MALRD1: variants seen among roughly 807,000 people sequenced by gnomAD.
MALRD1 encodes the protein MAM and LDL receptor class A domain containing 1, also known as MAM and LDL-receptor class A domain-containing protein 1.
Under a neutral mutation model 242.1 loss-of-function variants are expected in MALRD1, and 247 were observed. The ratio of observed to expected loss-of-function variants is 1.02; its 90% CI spans 0.92 to 1.13. The LOEUF (loss-of-function observed/expected upper bound fraction) is 1.13. Ranked by LOEUF, MALRD1 falls within the 50% of genes most tolerant of loss-of-function variation. The pLI is 0.00. For synonymous variants in MALRD1, 995 were observed against 866.6 expected (o/e 1.15, Z -2.60); for missense variants, 2,989 against 2,533.1 (o/e 1.18, Z -3.86).
chr10:19,670,680 C>T (rs1349374308), intron 36 of MALRD1, among the ~76,000 whole-genome samples: 1 of 152,184 alleles, frequency 6.6e-6, no homozygotes, highest in Non-Finnish European at 1.5e-5. Context: ...ACCCCTGACT[C>T]CACCAACAAC....
rs1839129763 is a variant in MALRD1 at position 19,615,861 on chromosome 10, T to C, written c.6075T>C (p.Cys2025=). The stretch of plus-strand genomic sequence containing the variant: ...CTTTGTGATGCTTCTTTTTAGAATG[T>C]CCATTAAATTACTGCAGAAATGGTG... ...FQLDESSCSE[C]PLNYCRNGGT... Residue 2025 remains cysteine, a synonymous_variant, in exon 36 of 40, where the codon TGT becomes TGC. Coordinates refer to ENST00000454679, the MANE Select transcript of MALRD1 (RefSeq NM_001142308.3). The C allele has an allele frequency of 1.3e-6, 2 of 1,528,776 alleles. No homozygotes were observed. The highest frequency in any genetic ancestry group is 2.8e-5 in the African/African-American group (2 of 72,716). The allele number at this position is 1,528,776 out of a possible 1,614,324, so 94.7% of individuals were successfully genotyped here.
chr10:19,364,873 A>G (rs1162468325), intron 26 of MALRD1, among the ~76,000 whole-genome samples: 2 of 152,092 alleles, frequency 1.3e-5, no homozygotes, highest in Admixed American at 6.6e-5. Flanking sequence ...CCTTAATTCA[A>G]TTGAGGATTC....
At chr10:19,565,099 A>T (rs1836193431) in intron 32 of MALRD1, among the ~76,000 whole-genome samples, 1 of 152,176 alleles carries the variant, frequency 6.6e-6, no homozygotes. Flanking sequence ...TGAAATAAAT[A>T]GTGAGTTAGT....
At chr10:19,539,897 T>TGTGTGTGTGCGCGC (rs1365113182) in intron 32 of MALRD1, among the ~76,000 whole-genome samples, 3 of 44,436 alleles carry the variant, frequency 6.8e-5, no homozygotes, top group East Asian at 1.6e-3. Flanking sequence ...TGTGTGTGTG[T>TGTGTGTGTGCGCGC]GCGCGCGCGC....
At chr10:19,416,478 T>C (rs375280058) in intron 28 of MALRD1, among the ~76,000 whole-genome samples, 16 of 152,226 alleles carry the variant, frequency 1.1e-4, no homozygotes, top group African/African-American at 3.6e-4. Context: ...TCTTCATTGA[T>C]GTGAGTTCTA....
chr10:19,315,253 T>G (rs1484708788), intron 21 of MALRD1, among the ~76,000 whole-genome samples: 24 of 58,672 alleles, frequency 4.1e-4, no homozygotes, highest in African/African-American at 1.4e-3. Context: ...ATAATTTATA[T>G]AAATATATAA....
intron 29 of MALRD1, among the ~76,000 whole-genome samples, chr10:19,470,118 C>CTTATTGCTTTG (rs1836423228): frequency 6.6e-6 from 1 of 151,986 alleles, no homozygotes; most frequent in Non-Finnish European, 1.5e-5. Flanking sequence ...TTCCCCCTTC[C>CTTATTGCTTTG]ACCAGACTCT....
intron 18 of MALRD1, among the ~76,000 whole-genome samples, chr10:19,222,502 A>G (rs966228825): frequency 3.9e-5 from 6 of 152,214 alleles, no homozygotes; most frequent in Admixed American, 2.6e-4. Context: ...CACGTGTAAT[A>G]CGAAGAAAAT....
chr10:19,317,548 G>A (rs1377334051), intron 21 of MALRD1, among the ~76,000 whole-genome samples: 1 of 151,950 alleles, frequency 6.6e-6, no homozygotes, highest in Non-Finnish European at 1.5e-5. Flanking sequence ...TGCTAAAACA[G>A]CCTAAGTTAG....
chr10:19,692,222 G>A, intron 36 of MALRD1, 60 bp from the exon 37 acceptor site: 1 of 1,230,676 alleles, frequency 8.1e-7, no homozygotes, highest in South Asian at 1.4e-5. Context: ...CATGCCAGTT[G>A]TGTTCAAATA....
intron 28 of MALRD1, among the ~76,000 whole-genome samples, chr10:19,417,332 G>T (rs924540621): frequency 2.6e-5 from 4 of 152,112 alleles, no homozygotes; most frequent in African/African-American, 9.7e-5. Context: ...GATTTTGGTG[G>T]ACATTTTTAA....
At chr10:19,594,106 A>G (rs1380621102) in intron 33 of MALRD1, among the ~76,000 whole-genome samples, 1 of 152,212 alleles carries the variant, frequency 6.6e-6, no homozygotes, top group East Asian at 1.9e-4. Context: ...GATATCTGAT[A>G]TTGTAACAGT....
At chr10:19,307,862 TG>T (rs1400371678) in intron 21 of MALRD1, among the ~76,000 whole-genome samples, 1 of 151,548 alleles carries the variant, frequency 6.6e-6, no homozygotes, top group African/African-American at 2.4e-5. Flanking sequence ...CACATATTTA[TG>T]GGGTACATGG....
chr10:19,065,807 T>C (rs1305514298), intron 1 of MALRD1, among the ~76,000 whole-genome samples: 1 of 152,114 alleles, frequency 6.6e-6, no homozygotes, highest in Non-Finnish European at 1.5e-5. Context: ...CACTAAACTT[T>C]CCTCAAACAC....
At chr10:19,579,126 T>A (rs1239162405) in intron 33 of MALRD1, among the ~76,000 whole-genome samples, 1 of 152,202 alleles carries the variant, frequency 6.6e-6, no homozygotes, top group Non-Finnish European at 1.5e-5. Context: ...GCTATGTTTG[T>A]CTTTGTCTTC....
chr10:19,668,761 A>G lies in MALRD1; in HGVS notation c.6138-23521A>G, dbSNP rs377028041. On this transcript the variant is annotated intron_variant, in intron 36 of 39. Transcript: ENST00000454679. ...ACAAAAATACTGGAATATAAATTCA[A>G]CCCCTTCTCCTCCAAAAAAAGAGTA... Among the ~76,000 whole-genome samples, 26 of 152,276 alleles carry G rather than the reference A, an allele frequency of 1.7e-4. No homozygotes were observed. In the East Asian group the frequency reaches 4.8e-3, roughly 28 times the overall value.
chr10:19,178,589 C>T (rs1255707332), intron 14 of MALRD1, among the ~76,000 whole-genome samples: 1 of 152,178 alleles, frequency 6.6e-6, no homozygotes, highest in Admixed American at 6.5e-5. Flanking sequence ...TGATGAAAAT[C>T]GCAAGTGCTA....
chr10:19,164,281 A>T (rs1834573589), intron 12 of MALRD1, among the ~76,000 whole-genome samples: 1 of 152,024 alleles, frequency 6.6e-6, no homozygotes, highest in South Asian at 2.1e-4. Flanking sequence ...AATTTTTTTA[A>T]AAAAGCATTT....
intron 28 of MALRD1, among the ~76,000 whole-genome samples, chr10:19,439,019 T>C (rs1427579390): frequency 6.6e-6 from 1 of 152,206 alleles, no homozygotes; most frequent in African/African-American, 2.4e-5. Context: ...ACTAGGAGCA[T>C]GATGAGGTCA....
Sources: allele counts gnomAD v4.1 joint callset (sites outside exome capture counted in the v4.1 genomes callset), GRCh38; gene constraint gnomAD v4.1.1; transcripts MANE v1.5; gene names NCBI Gene and HGNC (gene_info 2026-07-23, HGNC 2026-07-21).